The following DNAAF1 variants were observed in gnomAD, a reference collection of about 807,000 sequenced individuals.
DNAAF1 encodes the protein dynein assembly factor 1, axonemal.
In DNAAF1, 65 loss-of-function variants were observed where a neutral mutation model predicts 71.1. The ratio of observed to expected loss-of-function variants is 0.91; its 90% confidence interval spans 0.75 to 1.12. The LOEUF is 1.12. Among genes scored for constraint, DNAAF1 ranks in the 50% most tolerant of loss-of-function variants. The probability of loss-of-function intolerance (pLI) is 0.00; values close to 1 mark genes in which losing one functional copy is unlikely to be tolerated. For missense variants in DNAAF1, 1,178 were observed against 899.8 expected (o/e 1.31, Z -3.96); for synonymous variants, 414 against 354.6 (o/e 1.17, Z -1.88).
At position 84,174,092 on chromosome 16, in the gene DNAAF1, G is replaced by A. The variant is rs560565785; in HGVS notation, c.1645-577G>A. 18 of 687,050 alleles carry A rather than the reference G, an allele frequency of 2.6e-5. No homozygotes were observed. In the East Asian group the frequency reaches 9.8e-4, roughly 37 times the overall value. The allele number at this position is 687,050 out of a possible 1,614,324, so 42.6% of individuals were successfully genotyped here. A position where few individuals can be genotyped will look rare whatever the true frequency, so the allele number is the denominator to read the frequency against. On this transcript the variant is annotated intron_variant, in intron 9 of 11. Transcript: ENST00000378553. ...AGGAAAATGAGAAACAGAGAGGTTA[G>A]GCAACTTGCCCAAAGCCAGACAGCT... is the stretch of plus-strand genomic sequence containing the variant.
chr16:84,166,981 C>A (rs552225831), intron 7 of DNAAF1, among the ~76,000 whole-genome samples: 4 of 152,184 alleles, frequency 2.6e-5, no homozygotes, highest in Non-Finnish European at 5.9e-5. Context: ...CAATTCATTT[C>A]CATCCTGACA....
intron 6 of DNAAF1, among the ~76,000 whole-genome samples, chr16:84,160,795 C>T (rs536252831): frequency 2.0e-4 from 30 of 151,160 alleles, no homozygotes; most frequent in African/African-American, 6.6e-4. Context: ...ATTAGCCGGG[C>T]GTGGTGGTGG....
chr16:84,170,383 GAC>G, intron 8 of DNAAF1, 27 bp downstream of exon 8: 2 of 1,613,114 alleles, frequency 1.2e-6, no homozygotes, highest in Non-Finnish European at 1.7e-6. Context: ...AACACACACA[GAC>G]ACACACACCT....
intron 1 of DNAAF1, among the ~76,000 whole-genome samples, chr16:84,148,596 C>CTCTTTTTTTTTTTTTTTTTTTTT: frequency 4.1e-4 from 18 of 43,572 alleles, no homozygotes; most frequent in South Asian, 8.4e-4. Context: ...CTCTCTCTCT[C>CTCTTTTTTTTTTTTTTTTTTTTT]TTTTTTTTTT....
At chr16:84,170,707 C>T (rs1332510491) in intron 8 of DNAAF1, among the ~76,000 whole-genome samples, 4 of 152,148 alleles carry the variant, frequency 2.6e-5, no homozygotes, top group Non-Finnish European at 5.9e-5. Context: ...TGGTGTGCCC[C>T]TGTAGTCCCA....
chr16:84,174,092 G>C, intron 9 of DNAAF1: 1 of 687,050 alleles, frequency 1.5e-6, no homozygotes. Context: ...AGAGAGGTTA[G>C]GCAACTTGCC....
At chr16:84,172,851 G>T in intron 9 of DNAAF1, 1 of 1,034,940 alleles carries the variant, frequency 9.7e-7, no homozygotes, top group Non-Finnish European at 1.2e-6. Context: ...GGCTCATGGA[G>T]GTGTGACGGT....
At chr16:84,164,125 GT>G (rs1298994485) in intron 6 of DNAAF1, among the ~76,000 whole-genome samples, 1 of 152,216 alleles carries the variant, frequency 6.6e-6, no homozygotes, top group African/African-American at 2.4e-5. Flanking sequence ...TTTCAGAGCA[GT>G]TTTAGATTTA....
intron 1 of DNAAF1, among the ~76,000 whole-genome samples, chr16:84,145,800 A>T (rs2086873398): frequency 6.6e-6 from 1 of 152,256 alleles, no homozygotes; most frequent in Non-Finnish European, 1.5e-5. Flanking sequence ...AGTCAGTGAC[A>T]GAAGAGACTT....
chr16:84,160,155 C>T (rs2087632346), intron 6 of DNAAF1, among the ~76,000 whole-genome samples: 1 of 152,152 alleles, frequency 6.6e-6, no homozygotes, highest in African/African-American at 2.4e-5. Context: ...AATTTACAAC[C>T]TCACATAACA....
intron 6 of DNAAF1, 134 bp downstream of exon 6, chr16:84,159,930 C>A: frequency 1.0e-6 from 1 of 992,586 alleles, no homozygotes; most frequent in Non-Finnish European, 1.5e-6. Flanking sequence ...GGCTTGATGG[C>A]TACATAATTG....
rs139966225 is a variant in DNAAF1, at chr16:84,163,859, CTTTTT to C, written c.864-1914_864-1910del. ...TGCTGATTTTTAAAAAATTAATAGACTTTTTTTTTTTTTTGTGGGGGACAGCGTTT... is the reference window on the plus strand; with the variant it reads ...TGCTGATTTTTAAAAAATTAATAGACTTTTTTTTTGTGGGGGACAGCGTTT... On this transcript the variant is annotated intron_variant, in intron 6 of 11. Transcript: ENST00000378553. Among the ~76,000 whole-genome samples, 31 of 144,560 alleles carry C rather than the reference CTTTTT, an allele frequency of 2.1e-4. 1 individual carries two copies. In the South Asian group the frequency reaches 6.3e-3, roughly 30 times the overall value. The allele number at this position is 144,560 out of a possible 152,430, so 94.8% of individuals were successfully genotyped here.
At position 84,175,990 on chromosome 16, in the gene DNAAF1, G is replaced by T; in HGVS notation, c.1756G>T (p.Glu586Ter). The change falls in exon 11 of 12, where the codon GAA (glutamate) becomes TAA (stop). Residue 586 changes from glutamate to a stop codon, truncating the protein, a stop_gained. Coordinates refer to ENST00000378553, the MANE Select transcript of DNAAF1 (RefSeq NM_178452.6). LOFTEE classifies it high-confidence loss of function. Reference protein sequence around the residue: ...ISSLSDDSDPELDYTSLPVLE... With the variant: ...ISSLSDDSDP Reference sequence around the variant, plus strand: ...GAGCTTGAGTGATGACAGTGACCCTGAACTGGACTACACGTCACTCCCTGT... The same window carrying T: ...GAGCTTGAGTGATGACAGTGACCCTTAACTGGACTACACGTCACTCCCTGT... The T allele has an allele frequency of 6.2e-7, 1 of 1,614,112 alleles. No individual in the cohort carries two copies. Among genetic ancestry groups the T allele is most frequent in the Non-Finnish European group, 8.5e-7 (1 of 1,179,976 alleles).
intron 4 of DNAAF1, among the ~76,000 whole-genome samples, chr16:84,155,343 G>A (rs952297403): frequency 1.3e-5 from 2 of 152,080 alleles, no homozygotes; most frequent in African/African-American, 4.8e-5. Context: ...ATCCTCCCAC[G>A]TCAGCCTCCC....
chr16:84,167,379 C>T (rs2088073726), intron 7 of DNAAF1, among the ~76,000 whole-genome samples: 1 of 152,082 alleles, frequency 6.6e-6, no homozygotes, highest in Non-Finnish European at 1.5e-5. Flanking sequence ...GAAGCTCCAG[C>T]ACGTGGGCAT....
intron 1 of DNAAF1, 95 bp downstream of exon 1, chr16:84,145,659 C>G: frequency 2.9e-6 from 4 of 1,403,006 alleles, no homozygotes; most frequent in Non-Finnish European, 3.8e-6. Flanking sequence ...ATCTTCACAG[C>G]CAAATAATAA....
In DNAAF1 at chr16:84,176,140, C is replaced by T. The variant is rs748869874; in HGVS notation, c.1906C>T (p.Arg636Ter). 82 of 1,613,930 alleles carry T rather than the reference C, an allele frequency of 5.1e-5. No individual in the cohort carries two copies. Among genetic ancestry groups the T allele is most frequent in the Non-Finnish European group, 6.3e-5 (74 of 1,179,996 alleles). Reference sequence around the variant, plus strand: ...AGAAGCTAAGAGGGACTTGGAAATCCGAAAACAAGACACCAAGTCCCCAAG... The same window carrying T: ...AGAAGCTAAGAGGGACTTGGAAATCTGAAAACAAGACACCAAGTCCCCAAG... ...KKEAKRDLEIRKQDTKSPRPL... is the reference protein window; with the variant it reads ...KKEAKRDLEI The change falls in exon 11 of 12, where the codon CGA (arginine) becomes TGA (stop). Residue 636 changes from arginine to a stop codon, truncating the protein, a stop_gained. Transcript: ENST00000378553. LOFTEE classifies it high-confidence loss of function.
chr16:84,154,875 A>G (rs2087337843), intron 4 of DNAAF1, 77 bp downstream of exon 4: 1 of 1,236,466 alleles, frequency 8.1e-7, no homozygotes, highest in African/African-American at 1.5e-5. Context: ...CTAAGCTTTT[A>G]TATTATGGGC....
intron 1 of DNAAF1, 67 bp from the exon 2 acceptor site, chr16:84,148,940 C>T: frequency 6.3e-7 from 1 of 1,579,912 alleles, no homozygotes; most frequent in Non-Finnish European, 8.7e-7. Flanking sequence ...ATTAACCAAG[C>T]TGAAGTTGGG....
Sources: gnomAD v4.1 joint callset for allele counts (sites outside exome capture counted in the v4.1 genomes callset) on GRCh38, gnomAD v4.1.1 for gene constraint, MANE v1.5 for transcripts, NCBI Gene and HGNC (gene_info 2026-07-23, HGNC 2026-07-21) for gene names.